The following CACNG5 variants were observed in gnomAD, a reference collection of about 807,000 sequenced individuals.
CACNG5 encodes the protein voltage-dependent calcium channel gamma-5 subunit.
CACNG5 carries 18 observed loss-of-function variants against 24.8 expected under a neutral mutation model. The observed-to-expected ratio is 0.73, with a 90% confidence interval of 0.50 to 1.08. The LOEUF (loss-of-function observed/expected upper bound fraction) is 1.08, where lower values mean the gene tolerates loss of function less well. Ranked by LOEUF, CACNG5 falls within the 50% of genes least tolerant of loss-of-function variation. The pLI, the probability that CACNG5 is intolerant of heterozygous loss-of-function variation, is 0.00. For synonymous variants in CACNG5, 157 were observed against 149.1 expected (o/e 1.05, Z -0.39); for missense variants, 349 against 367.9 (o/e 0.95, Z 0.42).
intron 1 of CACNG5, among the ~76,000 whole-genome samples, chr17:66,836,285 G>C (rs1403139651): frequency 6.6e-6 from 1 of 152,190 alleles, no homozygotes; most frequent in Non-Finnish European, 1.5e-5. Flanking sequence ...TCACATACAA[G>C]CTGTCACCGA....
rs1192046849 is a variant in CACNG5, at chr17:66,894,236, C to A, written c.*8996C>A. The stretch of plus-strand genomic sequence containing the variant: ...CTGCTCTCCCCGACCTCCAAGGACT[C>A]CTTTCAATCTGTCACCCCCTTGGGA... On this transcript the variant is annotated 3_prime_UTR_variant, in exon 6 of 6. Coordinates refer to ENST00000533854, the MANE Select transcript of CACNG5 (RefSeq NM_145811.3). 6.6e-6 allele frequency among the ~76,000 whole-genome samples: 1 copy of A among 152,158 alleles called. No homozygotes were observed. Among genetic ancestry groups the A allele is most frequent in the African/African-American group, 2.4e-5 (1 of 41,434 alleles).
chr17:66,866,277 C>T (rs2143086847), intron 1 of CACNG5, among the ~76,000 whole-genome samples: 1 of 151,984 alleles, frequency 6.6e-6, no homozygotes, highest in East Asian at 1.9e-4. Context: ...AGTATGGTCC[C>T]TTTTTAAAAT....
intron 1 of CACNG5, among the ~76,000 whole-genome samples, chr17:66,862,700 T>C (rs367966308): frequency 1.0e-4 from 13 of 124,616 alleles, no homozygotes; most frequent in African/African-American, 4.0e-4. Context: ...AGCAGAGATA[T>C]GCTTCCACAT....
At chr17:66,839,396 G>A (rs1976533108) in intron 1 of CACNG5, among the ~76,000 whole-genome samples, 1 of 152,108 alleles carries the variant, frequency 6.6e-6, no homozygotes, top group African/African-American at 2.4e-5. Context: ...TTTCTTAGGA[G>A]CAAGCATTCC....
rs1477847033 is a variant in CACNG5 at position 66,885,105 on chromosome 17, C to G, written c.693C>G (p.Phe231Leu). 2 of 1,614,212 alleles carry G rather than the reference C, an allele frequency of 1.2e-6. No homozygotes were observed. The highest frequency in any genetic ancestry group is 1.7e-6 in the Non-Finnish European group (2 of 1,180,034). The change falls in exon 6 of 6, where the codon TTC becomes TTG. Residue 231 changes from phenylalanine (F) to leucine (L), a missense_variant. By Grantham distance (22) the Phe-to-Leu change is conservative. Transcript: ENST00000533854. ...ACTGCTCCGATTACTCAGGCCAGTT[C>G]CTACACCCAGACGCCTGGGTCAGGG... ...LSNCSDYSGQ[F>L]LHPDAWVRGR...
chr17:66,855,060 G>A (rs984229683), intron 1 of CACNG5, among the ~76,000 whole-genome samples: 4 of 152,172 alleles, frequency 2.6e-5, no homozygotes, highest in African/African-American at 9.6e-5. Context: ...CATACTGCAG[G>A]TGGTAGAACT....
At chr17:66,865,661 GCT>G (rs1976918482) in intron 1 of CACNG5, among the ~76,000 whole-genome samples, 1 of 146,776 alleles carries the variant, frequency 6.8e-6, no homozygotes, top group African/African-American at 2.5e-5. Context: ...ACAGAGTCTC[GCT>G]CTGTCACCCA....
chr17:66,875,811 C>T (rs903491216), intron 1 of CACNG5, among the ~76,000 whole-genome samples: 4 of 152,186 alleles, frequency 2.6e-5, no homozygotes, highest in Non-Finnish European at 4.4e-5. Flanking sequence ...TGAAAGATGC[C>T]GACAGGATAG....
At chr17:66,882,470 G>A (rs1309492650) in intron 4 of CACNG5, among the ~76,000 whole-genome samples, 1 of 152,174 alleles carries the variant, frequency 6.6e-6, no homozygotes, top group African/African-American at 2.4e-5. Context: ...AGTGGGAGAG[G>A]AATCCATGGA....
intron 1 of CACNG5, among the ~76,000 whole-genome samples, chr17:66,860,319 G>A (rs1976836000): frequency 6.6e-6 from 1 of 152,122 alleles, no homozygotes; most frequent in Non-Finnish European, 1.5e-5. Flanking sequence ...TGATAAAGAT[G>A]AGCTATGCCA....
rs1216031576 is a variant in CACNG5, at chr17:66,893,213, A to G, written c.*7973A>G. Among the ~76,000 whole-genome samples the G allele has an allele frequency of 2.0e-5, 3 of 152,148 alleles. No individual in the cohort carries two copies. The highest frequency in any genetic ancestry group is 1.5e-5 in the Non-Finnish European group (1 of 68,026). ...AAGAGCATGGCACCTACAGTCCTAA[A>G]TGTTCTGCATGGTAAATGTACCCTC... is the stretch of plus-strand genomic sequence containing the variant. On this transcript the variant is annotated 3_prime_UTR_variant, in exon 6 of 6. Coordinates refer to ENST00000533854, the MANE Select transcript of CACNG5 (RefSeq NM_145811.3).
At chr17:66,875,733 C>T (rs1464204899) in intron 1 of CACNG5, among the ~76,000 whole-genome samples, 1 of 152,232 alleles carries the variant, frequency 6.6e-6, no homozygotes, top group Non-Finnish European at 1.5e-5. Context: ...CACTGCTGCA[C>T]CTCTTTCCCA....
At chr17:66,864,760 G>T (rs1976907605) in intron 1 of CACNG5, among the ~76,000 whole-genome samples, 2 of 152,126 alleles carry the variant, frequency 1.3e-5, no homozygotes, top group South Asian at 4.1e-4. Flanking sequence ...AAATATCCTG[G>T]TTATTCTAAA....
At chr17:66,837,600 A>G (rs1230906113) in intron 1 of CACNG5, among the ~76,000 whole-genome samples, 2 of 152,200 alleles carry the variant, frequency 1.3e-5, no homozygotes, top group Non-Finnish European at 2.9e-5. Flanking sequence ...TGTTCCCCCA[A>G]ACCTAGCCAT....
chr17:66,842,943 G>C (rs1315763369), intron 1 of CACNG5, among the ~76,000 whole-genome samples: 3 of 152,172 alleles, frequency 2.0e-5, no homozygotes, highest in Non-Finnish European at 4.4e-5. Context: ...CCTATGAGTT[G>C]GCTGAGTAAT....
At chr17:66,849,928 T>TTA (rs1976691370) in intron 1 of CACNG5, among the ~76,000 whole-genome samples, 1 of 152,200 alleles carries the variant, frequency 6.6e-6, no homozygotes, top group Non-Finnish European at 1.5e-5. Context: ...AAAGATACAG[T>TTA]TTAGATCACT....
At chr17:66,846,055 G>A (rs574533634) in intron 1 of CACNG5, among the ~76,000 whole-genome samples, 46 of 152,278 alleles carry the variant, frequency 3.0e-4, no homozygotes, top group African/African-American at 6.7e-4. Context: ...TTACTGAGCC[G>A]TTACTTCATG....
At chr17:66,852,595 A>G (rs988566817) in intron 1 of CACNG5, among the ~76,000 whole-genome samples, 1 of 152,238 alleles carries the variant, frequency 6.6e-6, no homozygotes, top group Non-Finnish European at 1.5e-5. Context: ...TATAATTAGT[A>G]TATAATGAAA....
At chr17:66,870,967 T>C (rs1424704414) in intron 1 of CACNG5, among the ~76,000 whole-genome samples, 1 of 148,620 alleles carries the variant, frequency 6.7e-6, no homozygotes, top group East Asian at 2.1e-4. Context: ...GATGACAGGG[T>C]GAAACTCCAT....
Sources: allele counts gnomAD v4.1 joint callset (sites outside exome capture counted in the v4.1 genomes callset), GRCh38; gene constraint gnomAD v4.1.1; transcripts MANE v1.5; gene names NCBI Gene and HGNC (gene_info 2026-07-23, HGNC 2026-07-21).